Variants in SLC39A11 observed in about 807,000 individuals in gnomAD.
SLC39A11 encodes zinc transporter ZIP11.
In SLC39A11, 33 loss-of-function variants were observed where a neutral mutation model predicts 36.1. The ratio of observed to expected loss-of-function variants is 0.91; its 90% confidence interval spans 0.69 to 1.22. The LOEUF (loss-of-function observed/expected upper bound fraction) is 1.22. SLC39A11 is among the 50% of genes most tolerant of loss of function. The pLI, the probability that SLC39A11 is intolerant of heterozygous loss-of-function variation, is 0.00. For missense variants in SLC39A11, 432 were observed against 430.3 expected (o/e 1.00, Z -0.03); for synonymous variants, 166 against 170.3 (o/e 0.97, Z 0.20).
intron 5 of SLC39A11, among the ~76,000 whole-genome samples, chr17:72,929,804 A>G (rs552799318): frequency 6.6e-6 from 1 of 152,308 alleles, no homozygotes; most frequent in South Asian, 2.1e-4. Context: ...AAAGAAAAGA[A>G]CTGCCAATTG....
chr17:73,006,445 G>T (rs1363288613), intron 4 of SLC39A11, among the ~76,000 whole-genome samples: 2 of 152,148 alleles, frequency 1.3e-5, no homozygotes, highest in Non-Finnish European at 2.9e-5. Flanking sequence ...GGGTCTTGGA[G>T]AAGGGAAAGG....
chr17:72,934,387 C>T (rs900970395), intron 5 of SLC39A11, among the ~76,000 whole-genome samples: 13 of 152,106 alleles, frequency 8.5e-5, no homozygotes, highest in South Asian at 6.2e-4. Context: ...CTCTCGGGGC[C>T]GGGCACAGTG....
intron 5 of SLC39A11, among the ~76,000 whole-genome samples, chr17:72,854,902 C>T (rs1407739161): frequency 1.3e-5 from 2 of 152,162 alleles, no homozygotes; most frequent in African/African-American, 2.4e-5. Flanking sequence ...TTTCCTCTTC[C>T]CCAAAACAAA....
intron 5 of SLC39A11, among the ~76,000 whole-genome samples, chr17:72,890,830 AT>A (rs2081702637): frequency 6.6e-6 from 1 of 152,142 alleles, no homozygotes; most frequent in African/African-American, 2.4e-5. Context: ...TAGAAAACTA[AT>A]TTAATGGATA....
intron 4 of SLC39A11, among the ~76,000 whole-genome samples, chr17:72,989,921 T>G (rs1411746508): frequency 1.3e-5 from 2 of 152,244 alleles, no homozygotes; most frequent in African/African-American, 4.8e-5. Flanking sequence ...AAATTTCTTT[T>G]GTCTTCATTA....
At chr17:72,723,108 T>C (rs1189743409) in intron 7 of SLC39A11, among the ~76,000 whole-genome samples, 1 of 152,196 alleles carries the variant, frequency 6.6e-6, no homozygotes, top group Non-Finnish European at 1.5e-5. Flanking sequence ...AACAGTCTCA[T>C]AGCCATGGAT....
chr17:73,085,642 CAAAAAA>C (rs35729985), intron 2 of SLC39A11, among the ~76,000 whole-genome samples: 1 of 102,024 alleles, frequency 9.8e-6, no homozygotes, highest in Admixed American at 1.1e-4. Context: ...AACTCCGCCT[CAAAAAA>C]AAAAAAAAAA....
At chr17:73,064,949 G>A (rs1232617799) in intron 3 of SLC39A11, among the ~76,000 whole-genome samples, 2 of 152,178 alleles carry the variant, frequency 1.3e-5, no homozygotes, top group Admixed American at 1.3e-4. Context: ...ACCCCTGCCT[G>A]AGGAACACCA....
intron 6 of SLC39A11, among the ~76,000 whole-genome samples, chr17:72,752,675 G>A (rs1423504789): frequency 1.3e-5 from 2 of 152,188 alleles, no homozygotes; most frequent in Admixed American, 1.3e-4. Context: ...TTACAGGCAT[G>A]AGCCATGGTG....
chr17:73,022,230 A>G (rs1220850073), intron 4 of SLC39A11, among the ~76,000 whole-genome samples: 2 of 152,264 alleles, frequency 1.3e-5, no homozygotes, highest in African/African-American at 4.8e-5. Context: ...AGTTCATGGC[A>G]TGCATTCCCA....
At chr17:72,877,800 T>G (rs1421413824) in intron 5 of SLC39A11, among the ~76,000 whole-genome samples, 1 of 151,716 alleles carries the variant, frequency 6.6e-6, no homozygotes. Context: ...TTCATTTTTA[T>G]TTTTTTATTT....
At chr17:72,833,077 T>C (rs2078356884) in intron 6 of SLC39A11, among the ~76,000 whole-genome samples, 1 of 152,228 alleles carries the variant, frequency 6.6e-6, no homozygotes, top group Admixed American at 6.5e-5. Context: ...AAGACCTTAA[T>C]CAAGACCATT....
At chr17:73,028,277 C>A (rs977719307) in intron 4 of SLC39A11, among the ~76,000 whole-genome samples, 1 of 152,184 alleles carries the variant, frequency 6.6e-6, no homozygotes, top group Admixed American at 6.5e-5. Flanking sequence ...ACTATAAACG[C>A]GTGGGTGCTC....
At chr17:72,715,838 G>C (rs1054402575) in intron 7 of SLC39A11, among the ~76,000 whole-genome samples, 7 of 151,988 alleles carry the variant, frequency 4.6e-5, no homozygotes, top group African/African-American at 1.5e-4. Flanking sequence ...TGAGTAGCTG[G>C]GATTACAGGC....
intron 5 of SLC39A11, 75 bp from the exon 6 acceptor site, chr17:72,849,879 G>A: frequency 2.2e-6 from 3 of 1,368,218 alleles, no homozygotes; most frequent in Non-Finnish European, 2.9e-6. Context: ...TCTCCAGCAA[G>A]CTACAGCAGG....
At chr17:73,090,153 G>A (rs1189017185) in intron 1 of SLC39A11, among the ~76,000 whole-genome samples, 3 of 152,164 alleles carry the variant, frequency 2.0e-5, no homozygotes. Context: ...AGCTGAAGAC[G>A]CTGCCTCGAT....
chr17:72,810,084 C>CAAAAAAAAAAAAAAA (rs10708067), intron 6 of SLC39A11, among the ~76,000 whole-genome samples: 1 of 136,702 alleles, frequency 7.3e-6, no homozygotes, highest in African/African-American at 2.7e-5. Flanking sequence ...ACAAAAACAA[C>CAAAAAAAAAAAAAAA]AAAAAAAAAA....
intron 5 of SLC39A11, among the ~76,000 whole-genome samples, chr17:72,910,794 G>A (rs1443203988): frequency 6.6e-6 from 1 of 151,534 alleles, no homozygotes; most frequent in Non-Finnish European, 1.5e-5. Flanking sequence ...GGGCGTGATG[G>A]CAGGCACCTT....
chr17:72,761,943 T>C (rs144266386), intron 6 of SLC39A11, among the ~76,000 whole-genome samples: 1 of 152,330 alleles, frequency 6.6e-6, no homozygotes, highest in African/African-American at 2.4e-5. Flanking sequence ...CAGAGCCCCA[T>C]TCTGGGGTCA....
Sources: allele counts gnomAD v4.1 joint callset (sites outside exome capture counted in the v4.1 genomes callset), GRCh38; gene constraint gnomAD v4.1.1; transcripts MANE v1.5; gene names NCBI Gene and HGNC (gene_info 2026-07-23, HGNC 2026-07-21).